SRD5A2: variants seen among roughly 807,000 people sequenced by gnomAD.
SRD5A2 encodes steroid 5 alpha-reductase 2.
In SRD5A2, 30 loss-of-function variants were observed where a neutral mutation model predicts 27.4. The ratio of observed to expected loss-of-function variants is 1.10; its 90% CI spans 0.82 to 1.49. The LOEUF (loss-of-function observed/expected upper bound fraction) is 1.49, where lower values mean the gene tolerates loss of function less well. Ranked by LOEUF, SRD5A2 falls within the 40% of genes most tolerant of loss-of-function variation. The pLI, the probability that SRD5A2 is intolerant of heterozygous loss-of-function variation, is 0.00. For synonymous variants in SRD5A2, 141 were observed against 133.6 expected, an observed-to-expected ratio of 1.06 and a Z score of -0.38; for missense variants, 348 against 323.4, an observed-to-expected ratio of 1.08 and a Z score of -0.58.
At chr2:31,569,932 C>A (rs753725564) in intron 1 of SRD5A2, among the ~76,000 whole-genome samples, 1 of 152,064 alleles carries the variant, frequency 6.6e-6, no homozygotes, top group Non-Finnish European at 1.5e-5. Context: ...ACAGTTAAGA[C>A]AAATTACACC....
intron 1 of SRD5A2, among the ~76,000 whole-genome samples, chr2:31,552,608 T>C (rs570400006): frequency 1.3e-4 from 20 of 151,968 alleles, no homozygotes; most frequent in Non-Finnish European, 2.6e-4. Context: ...TCCAACCTCT[T>C]GGTCTTTCAC....
chr2:31,612,586 C>T, the SRD5A2 span, among the ~76,000 whole-genome samples: 7 of 152,248 alleles, frequency 4.6e-5, no homozygotes, highest in African/African-American at 1.7e-4. Context: ...AAAATGTCTA[C>T]ACTAACCAAA....
chr2:31,641,464 T>C, the SRD5A2 span, among the ~76,000 whole-genome samples: 1 of 152,190 alleles, frequency 6.6e-6, no homozygotes, highest in Admixed American at 6.5e-5. Flanking sequence ...CTGGCAGGCT[T>C]ACATTACAAG....
At chr2:31,624,131 TA>T in the SRD5A2 span, among the ~76,000 whole-genome samples, 1 of 152,054 alleles carries the variant, frequency 6.6e-6, no homozygotes, top group African/African-American at 2.4e-5. Context: ...TGTATATATT[TA>T]TGGGGTACAT....
At chr2:31,538,008 C>T (rs1030401892) in intron 1 of SRD5A2, among the ~76,000 whole-genome samples, 1 of 152,100 alleles carries the variant, frequency 6.6e-6, no homozygotes, top group African/African-American at 2.4e-5. Flanking sequence ...TGTAAATTAC[C>T]CAGTCTCAGG....
At chr2:31,572,238 T>C (rs950445012) in intron 1 of SRD5A2, among the ~76,000 whole-genome samples, 2 of 152,168 alleles carry the variant, frequency 1.3e-5, no homozygotes, top group Admixed American at 6.5e-5. Flanking sequence ...TCCTCACTTA[T>C]AAATGGGAGC....
At chr2:31,628,636 C>T in the SRD5A2 span, among the ~76,000 whole-genome samples, 3 of 152,108 alleles carry the variant, frequency 2.0e-5, no homozygotes, top group Admixed American at 2.0e-4. Context: ...ATTTAGCACT[C>T]CCTTCAGGAC....
chr2:31,634,275 G>C, the SRD5A2 span, among the ~76,000 whole-genome samples: 1 of 152,082 alleles, frequency 6.6e-6, no homozygotes. Context: ...CACTGAACTT[G>C]AAGACAGGTC....
intron 2 of SRD5A2, 99 bp from the exon 3 acceptor site, chr2:31,531,571 A>ATTCCAAAAAATGAAGGGAAGGGCATTTAT: frequency 1.3e-6 from 1 of 785,396 alleles, no homozygotes; most frequent in Non-Finnish European, 2.1e-6. Context: ...GGGGCATTTA[A>ATTCCAAAAAATGAAGGGAAGGGCATTTAT]TTTCTAAATC....
At chr2:31,592,165 A>C in the SRD5A2 span, among the ~76,000 whole-genome samples, 484 of 152,170 alleles carry the variant, frequency 3.2e-3, 1 homozygote, top group African/African-American at 0.011. Flanking sequence ...AATTAAAAAA[A>C]AAAAAAGATT....
the SRD5A2 span, among the ~76,000 whole-genome samples, chr2:31,611,644 A>G: frequency 6.6e-6 from 1 of 152,206 alleles, no homozygotes; most frequent in Non-Finnish European, 1.5e-5. Context: ...CACACCTACT[A>G]GCAGGATTAA....
intron 3 of SRD5A2, 132 bp from the exon 4 acceptor site, chr2:31,529,589 A>G: frequency 7.9e-7 from 1 of 1,272,830 alleles, no homozygotes; most frequent in Non-Finnish European, 1.1e-6. Flanking sequence ...CCATAGTCAT[A>G]GGAGTTTGGT....
chr2:31,646,514 T>G, the SRD5A2 span, among the ~76,000 whole-genome samples: 106,044 of 151,856 alleles, frequency 0.7, 37,248 homozygotes, highest in Middle Eastern at 0.73. Flanking sequence ...ACATGTCCCA[T>G]GAGAGGCAAA....
At chr2:31,579,348 C>T (rs966018322) in intron 1 of SRD5A2, among the ~76,000 whole-genome samples, 3 of 152,212 alleles carry the variant, frequency 2.0e-5, no homozygotes, top group African/African-American at 4.8e-5. Context: ...TTTCTCTTTA[C>T]GAGACAGATT....
intron 1 of SRD5A2, among the ~76,000 whole-genome samples, chr2:31,560,558 A>G (rs557541401): frequency 4.6e-5 from 7 of 152,318 alleles, no homozygotes; most frequent in East Asian, 1.9e-4. Flanking sequence ...GCTTTGCCCA[A>G]TATAGGCCCC....
At chr2:31,546,350 G>T (rs2148075509) in intron 1 of SRD5A2, among the ~76,000 whole-genome samples, 1 of 151,932 alleles carries the variant, frequency 6.6e-6, no homozygotes, top group East Asian at 1.9e-4. Flanking sequence ...CTGGCATATA[G>T]ACAATAAAAG....
At chr2:31,596,995 C>T in the SRD5A2 span, among the ~76,000 whole-genome samples, 2 of 151,904 alleles carry the variant, frequency 1.3e-5, no homozygotes, top group African/African-American at 4.8e-5. Flanking sequence ...TTAAAAAATA[C>T]TAAAATTAAT....
intron 1 of SRD5A2, among the ~76,000 whole-genome samples, chr2:31,569,724 C>T (rs1041943251): frequency 3.4e-5 from 5 of 147,730 alleles, no homozygotes; most frequent in Non-Finnish European, 7.5e-5. Flanking sequence ...AACTTGGAAA[C>T]CTACTTTAAA....
chr2:31,611,407 T>C, the SRD5A2 span, among the ~76,000 whole-genome samples: 1 of 152,230 alleles, frequency 6.6e-6, no homozygotes, highest in East Asian at 1.9e-4. Flanking sequence ...ACTGAATTGA[T>C]AATCCACAGA....
Sources: gnomAD v4.1 joint callset for allele counts (sites outside exome capture counted in the v4.1 genomes callset) on GRCh38, gnomAD v4.1.1 for gene constraint, MANE v1.5 for transcripts, NCBI Gene and HGNC (gene_info 2026-07-23, HGNC 2026-07-21) for gene names.